SHTN1: variants seen among roughly 807,000 people sequenced by gnomAD.
SHTN1 encodes the protein shootin-1.
A neutral mutation model predicts 83.1 loss-of-function variants in SHTN1; 42 were observed. That is an observed-to-expected ratio of 0.51 (90% CI 0.39 to 0.65). The LOEUF is 0.65. SHTN1 is among the 30% of genes least tolerant of loss of function. SHTN1 has a pLI of 0.00. For missense variants in SHTN1, 622 were observed against 737.8 expected (o/e 0.84, Z 1.82); for synonymous variants, 224 against 247.7 (o/e 0.90, Z 0.90).
intron 3 of SHTN1, chr10:116,960,471 C>T (rs1432528773): frequency 2.7e-6 from 1 of 367,792 alleles, no homozygotes; most frequent in Non-Finnish European, 4.9e-6. Context: ...TTATTATGTA[C>T]ATTTTAAGAG....
Position 117,013,092 on chromosome 10 carries a change from A to T in SHTN1, c.-122-33784T>A, listed in dbSNP as rs1261123784. 2.6e-5 allele frequency among the ~76,000 whole-genome samples: 4 copies of T among 152,144 alleles called. No individual in the cohort carries two copies. In the East Asian group the frequency reaches 5.8e-4, roughly 22 times the overall value. On this transcript the variant is annotated intron_variant, in intron 2 of 17. Transcript: ENST00000392901. ...CTCTAAAAACTATATAAATTTTTTT[A>T]AAAATAAATATTAAAATAAGTCAAA...
intron 1 of SHTN1, among the ~76,000 whole-genome samples, chr10:116,981,784 T>C (rs1014544493): frequency 1.3e-5 from 2 of 152,090 alleles, no homozygotes; most frequent in African/African-American, 2.4e-5. Flanking sequence ...CTCAGCCGGG[T>C]GCGGTGGCTC....
At chr10:116,952,288 C>G (rs1049073604) in intron 5 of SHTN1, among the ~76,000 whole-genome samples, 1 of 152,128 alleles carries the variant, frequency 6.6e-6, no homozygotes, top group African/African-American at 2.4e-5. Flanking sequence ...TTCTAGAAAA[C>G]TATCTAGCAT....
intron 14 of SHTN1, chr10:116,908,032 G>C (rs190436660): frequency 8.9e-6 from 4 of 451,304 alleles, no homozygotes; most frequent in African/African-American, 6.1e-5. Flanking sequence ...TGTAAAATCA[G>C]ATGGTTACAA....
chr10:117,022,831 G>A (rs564330578), intron 2 of SHTN1, among the ~76,000 whole-genome samples: 14 of 152,290 alleles, frequency 9.2e-5, no homozygotes, highest in African/African-American at 3.4e-4. Flanking sequence ...TGAGGCAGGA[G>A]AATCACTTGA....
intron 14 of SHTN1, chr10:116,911,356 G>C: frequency 9.2e-7 from 1 of 1,081,658 alleles, no homozygotes; most frequent in Non-Finnish European, 1.3e-6. Flanking sequence ...AGGAAAGGCA[G>C]ACTGTGACCC....
intron 12 of SHTN1, among the ~76,000 whole-genome samples, chr10:116,916,609 G>A (rs565483729): frequency 4.6e-5 from 7 of 152,278 alleles, no homozygotes; most frequent in East Asian, 1.9e-4. Flanking sequence ...CTGCATCCCC[G>A]AGCTAATTAG....
chr10:117,001,449 A>G (rs981111502), intron 1 of SHTN1, among the ~76,000 whole-genome samples: 3 of 152,186 alleles, frequency 2.0e-5, no homozygotes, highest in Non-Finnish European at 4.4e-5. Flanking sequence ...AACTTTTGTC[A>G]AAAGCAACCT....
At chr10:116,953,949 G>A (rs1849882617) in intron 5 of SHTN1, 93 bp downstream of exon 5, 2 of 1,094,948 alleles carry the variant, frequency 1.8e-6, no homozygotes, top group Non-Finnish European at 2.6e-6. Context: ...TATTTTGAAA[G>A]CTTCCCACAT....
At chr10:117,015,281 C>T (rs752393112) in intron 2 of SHTN1, among the ~76,000 whole-genome samples, 1 of 152,062 alleles carries the variant, frequency 6.6e-6, no homozygotes, top group Non-Finnish European at 1.5e-5. Flanking sequence ...CAGCTGAAGG[C>T]TTTGGAAATT....
At chr10:117,068,696 A>G (rs958699169) in intron 1 of SHTN1, among the ~76,000 whole-genome samples, 2 of 152,168 alleles carry the variant, frequency 1.3e-5, no homozygotes, top group Non-Finnish European at 2.9e-5. Flanking sequence ...ATTACTGCTA[A>G]TTCTGCTTAG....
intron 16 of SHTN1, 130 bp from the exon 17 acceptor site, chr10:116,886,696 T>TG: frequency 8.1e-7 from 1 of 1,232,484 alleles, no homozygotes; most frequent in Non-Finnish European, 1.1e-6. Context: ...TATAGTAGTC[T>TG]TTGAGATGCC....
intron 16 of SHTN1, chr10:116,901,316 G>C: frequency 1.0e-6 from 1 of 985,132 alleles, no homozygotes. Flanking sequence ...TTTCAGGATA[G>C]AGCAATATTA....
Position 116,960,188 on chromosome 10 carries a change from T to C in SHTN1, c.215A>G (p.His72Arg), listed in dbSNP as rs375325575. 3.5e-5 allele frequency: 56 copies of C among 1,611,200 alleles called. No individual in the cohort carries two copies. The highest frequency in any genetic ancestry group is 4.5e-5 in the Non-Finnish European group (53 of 1,177,848). Residue 72 changes from histidine to arginine, a missense_variant, in exon 4 of 17, where the codon CAT becomes CGT. Transcript: ENST00000355371. ...TCGACAAGTCTTCTCTATTTCAAGA[T>C]GGTTCTGCATGAAATTAACTTCCTC... Reference protein sequence around the residue: ...VIEEVNFMQNHLEIEKTCRES... With the variant: ...VIEEVNFMQNRLEIEKTCRES...
At chr10:116,958,172 T>TG (rs1177670487) in intron 4 of SHTN1, among the ~76,000 whole-genome samples, 1 of 152,150 alleles carries the variant, frequency 6.6e-6, no homozygotes, top group Non-Finnish European at 1.5e-5. Context: ...ATAGAAACTT[T>TG]GCTCTCAGGA....
In SHTN1 at chr10:117,114,025, C is replaced by T. The variant is rs138850649; in HGVS notation, c.-189+12282G>A. Among the ~76,000 whole-genome samples, 210 of 151,916 alleles carry T rather than the reference C, an allele frequency of 1.4e-3. 1 individual carries two copies. Among genetic ancestry groups the T allele is most frequent in the African/African-American group, 3.1e-3 (129 of 41,440 alleles). ...TTGCACCACTGCACTGCAGCATGGA[C>T]GACAGAGCGAGACTCCGTCTCAAAA... is the stretch of plus-strand genomic sequence containing the variant. On this transcript the variant is annotated intron_variant, in intron 1 of 17. Transcript: ENST00000392901.
chr10:117,020,808 T>A (rs967368535), intron 2 of SHTN1, among the ~76,000 whole-genome samples: 10 of 152,018 alleles, frequency 6.6e-5, no homozygotes, highest in African/African-American at 2.2e-4. Context: ...AAATGATAAA[T>A]TTGACTGTAA....
chr10:117,066,670 T>A (rs925224597), intron 1 of SHTN1, among the ~76,000 whole-genome samples: 1 of 152,194 alleles, frequency 6.6e-6, no homozygotes, highest in African/African-American at 2.4e-5. Flanking sequence ...TCCAGCTGAA[T>A]TTCCCAAGGC....
At chr10:116,897,156 T>C (rs1367915990) in intron 16 of SHTN1, among the ~76,000 whole-genome samples, 3 of 152,160 alleles carry the variant, frequency 2.0e-5, no homozygotes, top group African/African-American at 4.8e-5. Context: ...CTAAATGCAT[T>C]TGGGGCAACA....
Sources: allele counts gnomAD v4.1 joint callset (sites outside exome capture counted in the v4.1 genomes callset), GRCh38; gene constraint gnomAD v4.1.1; transcripts MANE v1.5; gene names NCBI Gene and HGNC (gene_info 2026-07-23, HGNC 2026-07-21).